The following MAPK10 variants were observed in gnomAD, a reference collection of about 807,000 sequenced individuals.
The protein encoded by MAPK10 is JNK3 alpha protein kinase.
In MAPK10, 25 loss-of-function variants were observed where a neutral mutation model predicts 59.3. The observed-to-expected ratio is 0.42, with a 90% CI of 0.31 to 0.59. MAPK10 has a LOEUF of 0.59. Among genes scored for constraint, MAPK10 ranks in the 20% least tolerant of loss-of-function variants. The pLI is 0.15. For missense variants in MAPK10, 351 were observed against 568.9 expected, an observed-to-expected ratio of 0.62 and a Z score of 3.90; for synonymous variants, 190 against 200.5, an observed-to-expected ratio of 0.95 and a Z score of 0.44.
chr4:86,212,462 A>G (rs2086118812), intron 2 of MAPK10, among the ~76,000 whole-genome samples: 1 of 152,122 alleles, frequency 6.6e-6, no homozygotes, highest in African/African-American at 2.4e-5. Context: ...TCAAGGCTGC[A>G]ATGGGCCATT....
intron 2 of MAPK10, among the ~76,000 whole-genome samples, chr4:86,304,669 G>A (rs911815264): frequency 1.3e-5 from 2 of 152,048 alleles, no homozygotes; most frequent in East Asian, 1.9e-4. Context: ...TGGGATTACA[G>A]GCGTGAGCCA....
intron 2 of MAPK10, among the ~76,000 whole-genome samples, chr4:86,236,969 C>T (rs896361954): frequency 1.3e-5 from 2 of 151,976 alleles, no homozygotes; most frequent in Admixed American, 6.6e-5. Context: ...GTTGACCCAT[C>T]CTCTAAGTTG....
intron 2 of MAPK10, among the ~76,000 whole-genome samples, chr4:86,342,549 T>C (rs1396821536): frequency 1.3e-5 from 2 of 152,150 alleles, no homozygotes; most frequent in African/African-American, 4.8e-5. Flanking sequence ...TCAGAGCTCA[T>C]TAATCCTTAC....
At chr4:86,522,259 T>A (rs188231433) in intron 1 of MAPK10, among the ~76,000 whole-genome samples, 1 of 152,132 alleles carries the variant, frequency 6.6e-6, no homozygotes, top group East Asian at 1.9e-4. Flanking sequence ...TCCTTGAAAG[T>A]AGGTGTCAAG....
intron 4 of MAPK10, among the ~76,000 whole-genome samples, chr4:86,136,656 A>G (rs1254185269): frequency 1.3e-5 from 2 of 151,118 alleles, no homozygotes; most frequent in East Asian, 1.9e-4. Context: ...CTAACATCAT[A>G]ATGACAGGAT....
chr4:86,031,073 G>GC (rs534528111), intron 12 of MAPK10, among the ~76,000 whole-genome samples: 1 of 152,036 alleles, frequency 6.6e-6, no homozygotes, highest in Non-Finnish European at 1.5e-5. Flanking sequence ...ACTAAAGCTT[G>GC]CCCCCCACCA....
At chr4:86,168,903 C>T (rs2149252967) in intron 3 of MAPK10, among the ~76,000 whole-genome samples, 1 of 152,280 alleles carries the variant, frequency 6.6e-6, no homozygotes, top group Middle Eastern at 3.4e-3. Flanking sequence ...ATTCGCGGTT[C>T]ACAAAAATCC....
chr4:86,020,970 C>G (rs553263954), intron 13 of MAPK10: 1 of 152,238 alleles, frequency 6.6e-6, no homozygotes, highest in Non-Finnish European at 1.5e-5. Context: ...CTGGCCCCAC[C>G]CACATCCTGC....
chr4:86,423,074 A>G (rs1378609539), intron 1 of MAPK10, among the ~76,000 whole-genome samples: 1 of 152,200 alleles, frequency 6.6e-6, no homozygotes, highest in Non-Finnish European at 1.5e-5. Context: ...CATGGTAGTT[A>G]TATTCCCTTT....
intron 9 of MAPK10, among the ~76,000 whole-genome samples, chr4:86,075,740 A>T (rs2049188098): frequency 6.6e-6 from 1 of 152,238 alleles, no homozygotes; most frequent in African/African-American, 2.4e-5. Context: ...TTGAGGAGGC[A>T]GTCTGCCCAT....
At chr4:86,396,253 A>G (rs929418462) in intron 1 of MAPK10, among the ~76,000 whole-genome samples, 16 of 152,194 alleles carry the variant, frequency 1.1e-4, no homozygotes, top group Non-Finnish European at 2.1e-4. Context: ...AGGCTGAGGC[A>G]GGAGAATGGC....
At chr4:86,575,494 A>G (rs539360475) in intron 1 of MAPK10, among the ~76,000 whole-genome samples, 1 of 152,192 alleles carries the variant, frequency 6.6e-6, no homozygotes, top group East Asian at 1.9e-4. Flanking sequence ...TTTCATTATT[A>G]AGTATGTCAG....
intron 9 of MAPK10, among the ~76,000 whole-genome samples, chr4:86,069,072 C>A (rs2047268367): frequency 6.6e-6 from 1 of 152,070 alleles, no homozygotes; most frequent in Non-Finnish European, 1.5e-5. Flanking sequence ...GGACTCTTAC[C>A]ATAATATTAC....
At chr4:86,115,146 G>A (rs1191135309) in intron 4 of MAPK10, among the ~76,000 whole-genome samples, 2 of 152,232 alleles carry the variant, frequency 1.3e-5, no homozygotes, top group Non-Finnish European at 2.9e-5. Context: ...AGGTGGCACA[G>A]CTCTGTGCCT....
In MAPK10 at chr4:86,264,985, G is replaced by A. The variant is rs1024095880; in HGVS notation, c.-6-70578C>T. Among the ~76,000 whole-genome samples the A allele has an allele frequency of 4.8e-5, 7 of 144,670 alleles. No homozygotes were observed. The East Asian group carries it at 8.9e-4, about 18-fold the overall frequency. The allele number at this position is 144,670 out of a possible 152,430, so 94.9% of individuals were successfully genotyped here. On this transcript the variant is annotated intron_variant, in intron 2 of 13. Transcript: ENST00000641462. ...CAGCTCACTGCAACCTCCGCCTCCC[G>A]GGTTCAAGCAATTCACCTGCCTCAG... is the stretch of plus-strand genomic sequence containing the variant.
chr4:86,269,821 T>C (rs750632782), intron 2 of MAPK10, among the ~76,000 whole-genome samples: 54 of 152,126 alleles, frequency 3.5e-4, no homozygotes, highest in Non-Finnish European at 5.3e-4. Context: ...ATATTTGGTG[T>C]CACTCCTTAA....
intron 1 of MAPK10, among the ~76,000 whole-genome samples, chr4:86,377,899 CTCCTT>C (rs1185196507): frequency 6.6e-6 from 1 of 152,110 alleles, no homozygotes; most frequent in African/African-American, 2.4e-5. Context: ...AGGCCAGTCT[CTCCTT>C]TCACATTTTT....
chr4:86,203,512 GA>G (rs2149335714), intron 2 of MAPK10, among the ~76,000 whole-genome samples: 1 of 151,058 alleles, frequency 6.6e-6, no homozygotes, highest in South Asian at 2.1e-4. Context: ...TATATACAAG[GA>G]AAAACCATGA....
intron 2 of MAPK10, among the ~76,000 whole-genome samples, chr4:86,203,553 A>G (rs1299936382): frequency 6.6e-6 from 1 of 151,476 alleles, no homozygotes; most frequent in Non-Finnish European, 1.5e-5. Flanking sequence ...AAAAGTTCCA[A>G]CAGTTTCTAA....
Sources: allele counts gnomAD v4.1 joint callset (sites outside exome capture counted in the v4.1 genomes callset), GRCh38; gene constraint gnomAD v4.1.1; transcripts MANE v1.5; gene names NCBI Gene and HGNC (gene_info 2026-07-23, HGNC 2026-07-21).